Variants in NR3C1 observed in about 807,000 individuals in gnomAD.
NR3C1 encodes the protein glucocorticoid receptor.
A neutral mutation model predicts 74.0 loss-of-function variants in NR3C1; 14 were observed. That is an observed-to-expected ratio of 0.19 (90% CI 0.12 to 0.30). The LOEUF (loss-of-function observed/expected upper bound fraction) is 0.30, where lower values mean the gene tolerates loss of function less well. NR3C1 is among the 10% of genes least tolerant of loss of function. The pLI, the probability that NR3C1 is intolerant of heterozygous loss-of-function variation, is 1.00. For missense variants in NR3C1, 695 were observed against 909.8 expected (o/e 0.76, Z 3.04); for synonymous variants, 308 against 332.5 (o/e 0.93, Z 0.80).
intron 2 of NR3C1, chr5:143,390,023 G>T: frequency 1.6e-6 from 1 of 628,940 alleles, no homozygotes; most frequent in Non-Finnish European, 2.0e-6. Flanking sequence ...GCAGGCTGTT[G>T]TCACAAAGAA....
intron 1 of NR3C1, chr5:143,402,606 T>C (rs1003696146): frequency 6.1e-6 from 6 of 985,464 alleles, no homozygotes; most frequent in Non-Finnish European, 7.2e-6. Flanking sequence ...CCAGACCTGT[T>C]GAGTTCTCTC....
At position 143,279,132 on chromosome 5, in the gene NR3C1, C is replaced by A; in HGVS notation, c.*2757G>T. ...AACACATACATAGGAAATAAATCTG[C>A]TTTCAAACAGCACCACCATATAGCA... On this transcript the variant is annotated 3_prime_UTR_variant, in exon 9 of 9. Transcript: ENST00000394464. The A allele has an allele frequency of 2.0e-6, 1 of 508,560 alleles. No homozygotes were observed. 31.5% of individuals were successfully genotyped at this position (508,560 alleles called of 1,614,324 possible).
At chr5:143,313,236 T>A (rs1199658196) in intron 3 of NR3C1, among the ~76,000 whole-genome samples, 1 of 152,230 alleles carries the variant, frequency 6.6e-6, no homozygotes, top group African/African-American at 2.4e-5. Flanking sequence ...TAGACTCTCT[T>A]CTAATAAATT....
intron 2 of NR3C1, among the ~76,000 whole-genome samples, chr5:143,347,621 G>C (rs574836235): frequency 7.7e-4 from 118 of 152,290 alleles, no homozygotes; most frequent in Admixed American, 1.6e-3. Flanking sequence ...TGCTACACAA[G>C]AATTTCGGCC....
intron 3 of NR3C1, among the ~76,000 whole-genome samples, chr5:143,312,410 G>A (rs1004061449): frequency 5.3e-5 from 8 of 152,046 alleles, no homozygotes; most frequent in Non-Finnish European, 1.0e-4. Context: ...TGCTACTCAC[G>A]TTACTCCACA....
chr5:143,358,748 A>C (rs1831645472), intron 2 of NR3C1, among the ~76,000 whole-genome samples: 1 of 152,064 alleles, frequency 6.6e-6, no homozygotes, highest in Admixed American at 6.5e-5. Context: ...CTAAAATTCA[A>C]AATTAGCCGG....
chr5:143,319,904 G>A (rs748751210), intron 2 of NR3C1, among the ~76,000 whole-genome samples: 2 of 152,082 alleles, frequency 1.3e-5, no homozygotes, highest in Non-Finnish European at 2.9e-5. Context: ...TTCAAGACAA[G>A]TCCAAAAAGA....
intron 7 of NR3C1, among the ~76,000 whole-genome samples, chr5:143,285,969 T>A (rs1361047086): frequency 1.2e-4 from 13 of 105,194 alleles, no homozygotes; most frequent in African/African-American, 1.3e-4. Context: ...GCCAGACTGA[T>A]TAAAAAAAAA....
intron 7 of NR3C1, among the ~76,000 whole-genome samples, chr5:143,293,253 T>G (rs1051672651): frequency 1.3e-5 from 2 of 152,096 alleles, no homozygotes; most frequent in African/African-American, 4.8e-5. Context: ...CTGGAAACCA[T>G]TATTGTAAGT....
chr5:143,317,153 C>A (rs1822300783), intron 2 of NR3C1, among the ~76,000 whole-genome samples: 1 of 152,106 alleles, frequency 6.6e-6, no homozygotes, highest in African/African-American at 2.4e-5. Context: ...ATAATGAACA[C>A]CATTGGAAAA....
chr5:143,423,566 A>C (rs1407419780), intron 1 of NR3C1, among the ~76,000 whole-genome samples: 8 of 152,234 alleles, frequency 5.3e-5, no homozygotes, highest in African/African-American at 1.9e-4. Flanking sequence ...CAACAACAAC[A>C]ACAAAATAGA....
chr5:143,396,075 T>C (rs1190440756), intron 2 of NR3C1, among the ~76,000 whole-genome samples: 3 of 151,810 alleles, frequency 2.0e-5, no homozygotes, highest in Non-Finnish European at 4.4e-5. Context: ...AAATAACATA[T>C]GAATTATGTT....
At chr5:143,344,589 C>T (rs890305863) in intron 2 of NR3C1, among the ~76,000 whole-genome samples, 1 of 152,040 alleles carries the variant, frequency 6.6e-6, no homozygotes, top group Non-Finnish European at 1.5e-5. Context: ...AAAAATGATG[C>T]TGACTGGGCG....
At position 143,324,119 on chromosome 5, in the gene NR3C1, G is replaced by A. The variant is rs377657689; in HGVS notation, c.1185-9951C>T. On this transcript the variant is annotated intron_variant, in intron 2 of 8. Transcript: ENST00000394464. ...ACCATTCTGGGGTCTGGAGGATGAC[G>A]GCTCTCTTCCCACAGCTCCACTGGG... Among the ~76,000 whole-genome samples the A allele has an allele frequency of 2.3e-4, 35 of 152,186 alleles. 1 individual carries two copies. The highest frequency in any genetic ancestry group is 3.4e-4 in the Non-Finnish European group (23 of 68,018).
exon 1 of NR3C1, chr5:143,435,183 T>C: frequency 1.0e-6 from 1 of 985,486 alleles, no homozygotes; most frequent in Non-Finnish European, 1.2e-6. Flanking sequence ...CTTCACCACT[T>C]TCCCTTTTTT....
At chr5:143,321,734 C>T (rs1823427196) in intron 2 of NR3C1, among the ~76,000 whole-genome samples, 1 of 152,162 alleles carries the variant, frequency 6.6e-6, no homozygotes, top group African/African-American at 2.4e-5. Context: ...TTATCAAGTA[C>T]CTATGATAGG....
upstream of NR3C1, chr5:143,405,174 T>C (rs1366528952): frequency 1.4e-5 from 14 of 985,422 alleles, no homozygotes; most frequent in Non-Finnish European, 1.7e-5. Context: ...ATTATGATTT[T>C]TGTGACTCTG....
At chr5:143,400,945 A>G in intron 1 of NR3C1, 93 bp from the exon 2 acceptor site, 1 of 939,642 alleles carries the variant, frequency 1.1e-6, no homozygotes, top group Non-Finnish European at 1.7e-6. Context: ...CAGCTTGTTA[A>G]ATGAACCTTT....
intron 2 of NR3C1, among the ~76,000 whole-genome samples, chr5:143,393,749 A>G (rs1554099073): frequency 6.6e-6 from 1 of 152,114 alleles, no homozygotes; most frequent in Non-Finnish European, 1.5e-5. Flanking sequence ...GAAATAATAA[A>G]TCATGTAGTG....
Sources: allele counts gnomAD v4.1 joint callset (sites outside exome capture counted in the v4.1 genomes callset), GRCh38; gene constraint gnomAD v4.1.1; transcripts MANE v1.5; gene names NCBI Gene and HGNC (gene_info 2026-07-23, HGNC 2026-07-21).